The following RAC1 variants were observed in gnomAD, a reference collection of about 807,000 sequenced individuals.
RAC1 encodes the protein ras-related C3 botulinum toxin substrate 1.
Under a neutral mutation model 25.2 loss-of-function variants are expected in RAC1, and 2 were observed. The observed-to-expected ratio is 0.08, with a 90% CI of 0.03 to 0.25. The LOEUF is 0.25. Among genes scored for constraint, RAC1 ranks in the 10% least tolerant of loss-of-function variants. RAC1 has a pLI of 1.00. For missense variants in RAC1, 50 were observed against 235.7 expected (o/e 0.21, Z 5.16); for synonymous variants, 88 against 94.0 (o/e 0.94, Z 0.37).
At chr7:6,379,151 ATTTG>A (rs1782691224) in intron 1 of RAC1, among the ~76,000 whole-genome samples, 1 of 150,638 alleles carries the variant, frequency 6.6e-6, no homozygotes, top group Non-Finnish European at 1.5e-5. Context: ...TTTATTATTT[ATTTG>A]TTTTTATTTT....
chr7:6,374,980 G>C (rs1217648934), intron 1 of RAC1, among the ~76,000 whole-genome samples: 4 of 151,800 alleles, frequency 2.6e-5, no homozygotes, highest in African/African-American at 9.7e-5. Flanking sequence ...GGCTCTCGAT[G>C]GAGGAGGGCC....
intron 1 of RAC1, among the ~76,000 whole-genome samples, chr7:6,378,475 G>T (rs1266853250): frequency 1.3e-5 from 2 of 152,046 alleles, no homozygotes; most frequent in Non-Finnish European, 2.9e-5. Flanking sequence ...GAACCCGGAA[G>T]GCGGAAGTTG....
intron 2 of RAC1, among the ~76,000 whole-genome samples, chr7:6,388,344 TCC>T (rs1335511384): frequency 1.2e-4 from 17 of 138,254 alleles, no homozygotes; most frequent in Non-Finnish European, 2.4e-4. Context: ...GTTGTTGTTT[TCC>T]TTTTTTTTTT....
At chr7:6,380,655 G>A (rs761107660) in intron 1 of RAC1, among the ~76,000 whole-genome samples, 8 of 152,100 alleles carry the variant, frequency 5.3e-5, no homozygotes, top group Non-Finnish European at 7.4e-5. Flanking sequence ...TGATCAGTAG[G>A]AATATTTTCC....
intron 5 of RAC1, 129 bp from the exon 6 acceptor site, chr7:6,402,187 T>A (rs1783421252): frequency 6.8e-7 from 1 of 1,461,888 alleles, no homozygotes; most frequent in Non-Finnish European, 9.2e-7. Flanking sequence ...AACGTCAGCG[T>A]TGGAAGGTGG....
intron 4 of RAC1, 43 bp downstream of exon 4, chr7:6,400,231 C>G: frequency 6.7e-7 from 1 of 1,501,450 alleles, no homozygotes; most frequent in Admixed American, 1.7e-5. Flanking sequence ...ATAGAATGAT[C>G]CTCTCAGAAA....
intron 4 of RAC1, among the ~76,000 whole-genome samples, chr7:6,401,253 G>T (rs1436409440): frequency 6.6e-6 from 1 of 152,152 alleles, no homozygotes; most frequent in Non-Finnish European, 1.5e-5. Context: ...ACTATGCCCG[G>T]CCTAATACGT....
chr7:6,401,663 G>A (rs888513114), intron 4 of RAC1: 10 of 444,500 alleles, frequency 2.2e-5, no homozygotes, highest in African/African-American at 1.4e-4. Context: ...GCCATGATCC[G>A]GGAGTCCTAG....
At chr7:6,385,234 C>A (rs1222621177) in intron 1 of RAC1, among the ~76,000 whole-genome samples, 1 of 152,158 alleles carries the variant, frequency 6.6e-6, no homozygotes, top group African/African-American at 2.4e-5. Flanking sequence ...TTAAATTTAA[C>A]AACTGCACTT....
At chr7:6,382,084 C>G (rs768682216) in intron 1 of RAC1, among the ~76,000 whole-genome samples, 7 of 152,084 alleles carry the variant, frequency 4.6e-5, no homozygotes, top group African/African-American at 1.7e-4. Context: ...ACCTCTACCC[C>G]GTGGCCTCAA....
Position 6,386,579 on chromosome 7 carries a change from C to A in RAC1, c.36-633C>A, listed in dbSNP as rs1260533064. ...GGCGGATCACTTGAGGTCAGGAGTT[C>A]GAGACCAGCCTGGCCAACATGGCGA... On this transcript the variant is annotated intron_variant, in intron 1 of 5. Transcript: ENST00000348035. Among the ~76,000 whole-genome samples the A allele has an allele frequency of 2.6e-5, 4 of 151,934 alleles. No individual in the cohort carries two copies. The East Asian group carries it at 5.8e-4, about 22-fold the overall frequency.
At chr7:6,379,794 GC>G (rs1358696123) in intron 1 of RAC1, among the ~76,000 whole-genome samples, 2 of 151,954 alleles carry the variant, frequency 1.3e-5, no homozygotes, top group Admixed American at 6.6e-5. Flanking sequence ...TGTCACCCAG[GC>G]CGGGGTGCAG....
intron 1 of RAC1, among the ~76,000 whole-genome samples, chr7:6,377,748 C>T (rs564086156): frequency 5.3e-5 from 8 of 151,994 alleles, no homozygotes; most frequent in African/African-American, 1.7e-4. Context: ...AACCTCGTCT[C>T]TACTAAAAAT....
At chr7:6,380,692 A>G (rs1782738523) in intron 1 of RAC1, among the ~76,000 whole-genome samples, 2 of 152,170 alleles carry the variant, frequency 1.3e-5, no homozygotes, top group African/African-American at 2.4e-5. Context: ...GAAAAATTTC[A>G]AACAGACTAG....
intron 1 of RAC1, among the ~76,000 whole-genome samples, chr7:6,386,634 A>G (rs1782930875): frequency 6.6e-6 from 1 of 151,812 alleles, no homozygotes; most frequent in African/African-American, 2.4e-5. Flanking sequence ...ATACAAAAAA[A>G]TTATCCAGGC....
chr7:6,391,187 C>T (rs1048440737), intron 2 of RAC1, among the ~76,000 whole-genome samples: 2 of 152,112 alleles, frequency 1.3e-5, no homozygotes, highest in African/African-American at 2.4e-5. Context: ...CGTGAGCCAC[C>T]GTGCCCAGCC....
At chr7:6,390,826 C>T (rs897244713) in intron 2 of RAC1, among the ~76,000 whole-genome samples, 8 of 152,210 alleles carry the variant, frequency 5.3e-5, no homozygotes, top group African/African-American at 1.2e-4. Context: ...AGTCACAATA[C>T]TATTTATCCA....
intron 1 of RAC1, 121 bp from the exon 2 acceptor site, chr7:6,387,091 A>T: frequency 1.6e-6 from 1 of 616,154 alleles, no homozygotes; most frequent in Non-Finnish European, 2.8e-6. Context: ...CATTTTCTTT[A>T]ATGCTAAGTA....
intron 1 of RAC1, among the ~76,000 whole-genome samples, chr7:6,379,181 A>G (rs1562461026): frequency 1.3e-5 from 2 of 151,816 alleles, no homozygotes; most frequent in South Asian, 2.1e-4. Context: ...GGCTCACTGC[A>G]GCCTCCACCT....
Sources: allele counts gnomAD v4.1 joint callset (sites outside exome capture counted in the v4.1 genomes callset), GRCh38; gene constraint gnomAD v4.1.1; transcripts MANE v1.5; gene names NCBI Gene and HGNC (gene_info 2026-07-23, HGNC 2026-07-21).